PRSS33: variants seen among roughly 807,000 people sequenced by gnomAD.
PRSS33 encodes serine protease 33.
In PRSS33, 32 loss-of-function variants were observed where a neutral mutation model predicts 26.7. The observed-to-expected ratio is 1.20, with a 90% CI of 0.90 to 1.61. The LOEUF (loss-of-function observed/expected upper bound fraction) is 1.61. Ranked by LOEUF, PRSS33 falls within the 40% of genes most tolerant of loss-of-function variation. The pLI is 0.00. For missense variants in PRSS33, 450 were observed against 396.3 expected (o/e 1.14, Z -1.15); for synonymous variants, 192 against 177.6 (o/e 1.08, Z -0.64).
chr16:2,785,525 C>G lies in PRSS33; in HGVS notation c.364G>C (p.Gly122Arg). The change falls in exon 5 of 7, where the codon GGG becomes CGG. Residue 122 changes from glycine to arginine, a missense_variant. Gly to Arg is a moderately radical substitution (Grantham distance 125). Coordinates refer to ENST00000682474, the MANE Select transcript of PRSS33 (RefSeq NM_152891.3). The part of the protein sequence containing the change: ...VLLPPDYSED[G>R]ARGDLALLQL... The stretch of plus-strand genomic sequence containing the variant: ...AGCAGTGCCAGGTCGCCGCGGGCCC[C>G]GTCCTCGGAGTAGTCCGGGGGCAGC... The G allele has an allele frequency of 6.6e-7, 1 of 1,524,330 alleles. No homozygotes were observed. Among genetic ancestry groups the G allele is most frequent in the East Asian group, 2.5e-5 (1 of 39,684 alleles). 94.4% of individuals were successfully genotyped at this position (1,524,330 alleles called of 1,614,324 possible).
chr16:2,784,733 C>T lies in PRSS33; in HGVS notation c.754G>A (p.Gly252Ser). ...CGGTTGGGCAGGGCACAACCCTTGC[C>T]CCAGCTCACCACGCCCACCAGGACC... ...SWVLVGVVSW[G>S]KGCALPNRPG... Residue 252 changes from glycine to serine, a missense_variant, in exon 7 of 7, where the codon GGC becomes AGC. Physicochemically the swap from Gly to Ser is moderately conservative, Grantham distance 56. Coordinates refer to ENST00000682474, the MANE Select transcript of PRSS33 (RefSeq NM_152891.3). 3 of 1,607,710 alleles carry T rather than the reference C, an allele frequency of 1.9e-6. No homozygotes were observed. Among genetic ancestry groups the T allele is most frequent in the Non-Finnish European group, 2.5e-6 (3 of 1,177,326 alleles).
chr16:2,785,112 T>C lies in PRSS33; in HGVS notation c.574A>G (p.Thr192Ala). Residue 192 changes from threonine to alanine, a missense_variant, in exon 6 of 7, where the codon ACC (threonine) becomes GCC (alanine). Physicochemically the swap from Thr to Ala is moderately conservative, Grantham distance 58. Coordinates refer to ENST00000682474, the MANE Select transcript of PRSS33 (RefSeq NM_152891.3). ...CCCACGTGGTAGAGGCCGTCGCAGG[T>C]GCGCGAGTCCAGCAGCGGCACCCTT... is the stretch of plus-strand genomic sequence containing the variant. Reference protein sequence around the residue: ...GVRVPLLDSRTCDGLYHVGAD... With the variant: ...GVRVPLLDSRACDGLYHVGAD... The C allele has an allele frequency of 6.5e-7, 1 of 1,548,826 alleles. No individual in the cohort carries two copies. Among genetic ancestry groups the C allele is most frequent in the Non-Finnish European group, 8.7e-7 (1 of 1,149,510 alleles).
chr16:2,785,906 G>T lies in PRSS33; in HGVS notation c.135C>A (p.Asp45Glu), dbSNP rs2068868815. 6.2e-7 allele frequency: 1 copy of T among 1,611,578 alleles called. No individual in the cohort carries two copies. Among genetic ancestry groups the T allele is most frequent in the African/African-American group, 1.3e-5 (1 of 74,920 alleles). The change falls in exon 4 of 7, where the codon GAC becomes GAA. Residue 45 changes from aspartate (D) to glutamate (E), a missense_variant. Coordinates refer to ENST00000682474, the MANE Select transcript of PRSS33 (RefSeq NM_152891.3). ...SRIVGGRDGR[D>E]GEWPWQASIQ... ...TGCTCGCCTGCCACGGCCACTCTCC[G>T]TCCCGGCCATCCCGGCCCCCAACGA...
At chr16:2,786,260 C>A in intron 2 of PRSS33, 139 bp from the exon 3 acceptor site, 1 of 928,398 alleles carries the variant, frequency 1.1e-6, no homozygotes, top group Non-Finnish European at 1.7e-6. Flanking sequence ...CGTCTGTTAT[C>A]TTATTTAACC....
chr16:2,784,993 G>T lies in PRSS33; in HGVS notation c.684+9C>A. On this transcript the variant is annotated intron_variant, in intron 6 of 6. Coordinates refer to ENST00000682474, the MANE Select transcript of PRSS33 (RefSeq NM_152891.3). ...GGGACTCCGGAGGCTGGGGAGGCTGGGTGCACACCTGGCAGGCGTCCTTGT... is the reference window on the plus strand; with the variant it reads ...GGGACTCCGGAGGCTGGGGAGGCTGTGTGCACACCTGGCAGGCGTCCTTGT... The T allele has an allele frequency of 6.3e-7, 1 of 1,597,002 alleles. No individual in the cohort carries two copies. The highest frequency in any genetic ancestry group is 1.7e-5 in the Admixed American group (1 of 58,072).
chr16:2,785,426 G>GCGGGCGGGCGC lies in PRSS33; in HGVS notation c.452_462dup (p.Pro155AlafsTer33). ...GTGACCCGGCATGGTGTGCCGGGCG[G>GCGGGCGGGCGC]CGGGCGGGCGCCGGGCACGGGCAGG... On this transcript the variant is annotated frameshift_variant, in exon 5 of 7. Transcript: ENST00000682474. LOFTEE classifies it high-confidence loss of function. 2.1e-6 allele frequency: 3 copies of GCGGGCGGGCGC among 1,459,180 alleles called. No homozygotes were observed. The South Asian group carries it at 4.1e-5, about 20-fold the overall frequency. The allele number at this position is 1,459,180 out of a possible 1,614,324, so 90.4% of individuals were successfully genotyped here.
At position 2,784,720 on chromosome 16, in the gene PRSS33, G is replaced by T; in HGVS notation, c.767C>A (p.Ala256Asp). ...GTAGACCCCTGGACGGTTGGGCAGGGCACAACCCTTGCCCCAGCTCACCAC... is the reference window on the plus strand; with the variant it reads ...GTAGACCCCTGGACGGTTGGGCAGGTCACAACCCTTGCCCCAGCTCACCAC... ...VGVVSWGKGC[A>D]LPNRPGVYTS... The change falls in exon 7 of 7, where the codon GCC becomes GAC. Residue 256 changes from alanine (A) to aspartate (D), a missense_variant. By Grantham distance (126) the Ala-to-Asp change is moderately radical. Transcript: ENST00000682474. 1 of 1,607,004 alleles carries T rather than the reference G, an allele frequency of 6.2e-7. No individual in the cohort carries two copies. Among genetic ancestry groups the T allele is most frequent in the Non-Finnish European group, 8.5e-7 (1 of 1,177,022 alleles).
chr16:2,784,876 G>A, intron 6 of PRSS33, 74 bp from the exon 7 acceptor site: 1 of 1,524,240 alleles, frequency 6.6e-7, no homozygotes, highest in Non-Finnish European at 8.9e-7. Flanking sequence ...CCCCTGGCGT[G>A]GTGCCTCTAG....
In PRSS33 at chr16:2,785,976, G is replaced by A; in HGVS notation, c.80-15C>T. On this transcript the variant is annotated splice_polypyrimidine_tract_variant and intron_variant, in intron 3 of 6. Coordinates refer to ENST00000682474, the MANE Select transcript of PRSS33 (RefSeq NM_152891.3). ...CTGCCCGCAGGCTAGAAAAGGACCA[G>A]GGGCGGTGAGGGTTGGCTGAGGACC... is the stretch of plus-strand genomic sequence containing the variant. The A allele has an allele frequency of 6.2e-7, 1 of 1,613,038 alleles. No individual in the cohort carries two copies. The highest frequency in any genetic ancestry group is 1.1e-5 in the South Asian group (1 of 91,064).
intron 6 of PRSS33, 63 bp downstream of exon 6, chr16:2,784,939 C>A: frequency 6.4e-7 from 1 of 1,560,974 alleles, no homozygotes; most frequent in South Asian, 1.2e-5. Flanking sequence ...TCCTGGAGTT[C>A]AGGGAGGGAG....
Position 2,785,163 on chromosome 16 carries a change from G to T in PRSS33, c.523C>A (p.Pro175Thr). Residue 175 changes from proline to threonine, a missense_variant, in exon 6 of 7, where the codon CCA (proline) becomes ACA (threonine). Pro to Thr is a conservative substitution (Grantham distance 38). Transcript: ENST00000682474. ...ACTCCTTGTAGCGGTCGCCACTCTG[G>T]GAGGGGCACTGGGGGAAGAGGAGGG... The part of the protein sequence containing the change: ...WGSLRPGVPL[P>T]EWRPLQGVRV... 1.9e-6 allele frequency: 3 copies of T among 1,538,718 alleles called. No individual in the cohort carries two copies. The highest frequency in any genetic ancestry group is 1.7e-6 in the Non-Finnish European group (2 of 1,145,780).
chr16:2,786,065 G>A (rs1420691394), intron 3 of PRSS33, 24 bp downstream of exon 3: 5 of 1,612,918 alleles, frequency 3.1e-6, no homozygotes, highest in Non-Finnish European at 3.4e-6. Flanking sequence ...GGGCTGACTC[G>A]GGTGGACTCC....
chr16:2,785,781 C>A lies in PRSS33; in HGVS notation c.242+18G>T. 1 of 1,573,134 alleles carries A rather than the reference C, an allele frequency of 6.4e-7. No individual in the cohort carries two copies. The highest frequency in any genetic ancestry group is 8.6e-7 in the Non-Finnish European group (1 of 1,166,426). ...GCCTTCCTTGCACACCCCGCCTGGG[C>A]CCTCGGTGAGCGCTGACCTGGGGAA... On this transcript the variant is annotated intron_variant, in intron 4 of 6. Transcript: ENST00000682474.
chr16:2,785,691 AC>A, intron 4 of PRSS33, 45 bp from the exon 5 acceptor site: 1 of 1,464,972 alleles, frequency 6.8e-7, no homozygotes, highest in South Asian at 1.3e-5. Context: ...CGGGTCCTCG[AC>A]CCCCTCCAGC....
chr16:2,784,710 G>A lies in PRSS33; in HGVS notation c.777C>T (p.Asn259=), dbSNP rs45570838. The change falls in exon 7 of 7, where the codon AAC becomes AAT. Residue 259 remains asparagine (N), a synonymous_variant. Transcript: ENST00000682474. ...CCACACTGGTGTAGACCCCTGGACGGTTGGGCAGGGCACAACCCTTGCCCC... is the reference window on the plus strand; with the variant it reads ...CCACACTGGTGTAGACCCCTGGACGATTGGGCAGGGCACAACCCTTGCCCC... ...VSWGKGCALP[N]RPGVYTSVAT... 189,920 of 1,605,926 alleles carry A rather than the reference G, an allele frequency of 0.12. 12,912 individuals carry two copies. The highest frequency in any genetic ancestry group is 0.14 in the Non-Finnish European group (162,565 of 1,176,132).
chr16:2,784,321 A>C lies in PRSS33; in HGVS notation c.*323T>G. On this transcript the variant is annotated 3_prime_UTR_variant, in exon 7 of 7. Transcript: ENST00000682474. ...GGGCACACAGGCCAGATGGGCAGCAATTGGTTTGCCCATCACTGCGTGCCT... is the reference window on the plus strand; with the variant it reads ...GGGCACACAGGCCAGATGGGCAGCACTTGGTTTGCCCATCACTGCGTGCCT... 7 of 196,392 alleles carry C rather than the reference A, an allele frequency of 3.6e-5. No individual in the cohort carries two copies. The highest frequency in any genetic ancestry group is 5.2e-5 in the Non-Finnish European group (5 of 95,630). 12.2% of individuals were successfully genotyped at this position (196,392 alleles called of 1,614,324 possible).
chr16:2,785,019 G>A lies in PRSS33; in HGVS notation c.667C>T (p.His223Tyr), dbSNP rs1169575345. 6.3e-7 allele frequency: 1 copy of A among 1,596,016 alleles called. No homozygotes were observed. Among genetic ancestry groups the A allele is most frequent in the East Asian group, 2.3e-5 (1 of 44,284 alleles). ...GTGCACACCTGGCAGGCGTCCTTGTGGCCCTGGGGGTAGCCGGCACACAGA... is the reference window on the plus strand; with the variant it reads ...GTGCACACCTGGCAGGCGTCCTTGTAGCCCTGGGGGTAGCCGGCACACAGA... ...GSLCAGYPQG[H>Y]KDACQGDSGG... Residue 223 changes from histidine to tyrosine, a missense_variant, in exon 6 of 7, where the codon CAC becomes TAC. By Grantham distance (83) the His-to-Tyr change is moderately conservative. Transcript: ENST00000682474.
chr16:2,785,132 AC>A lies in PRSS33; in HGVS notation c.553del (p.Val185CysfsTer51), dbSNP rs752477591. The A allele has an allele frequency of 1.5e-5, 23 of 1,544,378 alleles. No homozygotes were observed. In the South Asian group the frequency reaches 2.7e-4, roughly 18 times the overall value. ...GCAGGTGCGCGAGTCCAGCAGCGGC[AC>A]CCTTACTCCTTGTAGCGGTCGCCAC... ...PEWRPLQGVR[V>X]PLLDSRTCDG... On this transcript the variant is annotated frameshift_variant, in exon 6 of 7. Coordinates refer to ENST00000682474, the MANE Select transcript of PRSS33 (RefSeq NM_152891.3). LOFTEE classifies it high-confidence loss of function.
intron 5 of PRSS33, 89 bp from the exon 6 acceptor site, chr16:2,785,260 C>T: frequency 6.9e-7 from 1 of 1,445,058 alleles, no homozygotes; most frequent in Non-Finnish European, 9.2e-7. Flanking sequence ...AGGTTTTGTT[C>T]CCTAGAAGCC....
Sources: allele counts gnomAD v4.1 joint callset, GRCh38; gene constraint gnomAD v4.1.1; transcripts MANE v1.5; gene names NCBI Gene and HGNC (gene_info 2026-07-23, HGNC 2026-07-21).